The following EFCAB5 variants were observed in gnomAD, a reference collection of about 807,000 sequenced individuals.
The protein encoded by EFCAB5 is EF-hand calcium binding domain 5.
In EFCAB5, 131 loss-of-function variants were observed where a neutral mutation model predicts 167.9. The ratio of observed to expected loss-of-function variants is 0.78; its 90% CI spans 0.68 to 0.90. The LOEUF (loss-of-function observed/expected upper bound fraction) is 0.90, where lower values mean the gene tolerates loss of function less well. Among genes scored for constraint, EFCAB5 ranks in the 40% least tolerant of loss-of-function variants. EFCAB5 has a pLI of 0.00. For missense variants in EFCAB5, 1,663 were observed against 1,745.2 expected, an observed-to-expected ratio of 0.95 and a Z score of 0.84; for synonymous variants, 574 against 602.8, an observed-to-expected ratio of 0.95 and a Z score of 0.70.
chr17:29,930,266 C>T (rs961858964), intron 1 of EFCAB5: 2 of 500,478 alleles, frequency 4.0e-6, no homozygotes, highest in South Asian at 2.7e-5. Flanking sequence ...TGTCAGCTAC[C>T]GCCTCTCCCC....
intron 4 of EFCAB5, among the ~76,000 whole-genome samples, chr17:29,976,469 C>CA (rs2068065674): frequency 6.6e-6 from 1 of 152,174 alleles, no homozygotes; most frequent in Non-Finnish European, 1.5e-5. Context: ...CAACAGATGA[C>CA]AGTGTCAGGC....
At chr17:30,060,246 G>T (rs890872930) in intron 14 of EFCAB5, among the ~76,000 whole-genome samples, 3 of 147,462 alleles carry the variant, frequency 2.0e-5, no homozygotes, top group African/African-American at 7.3e-5. Flanking sequence ...TTAAAAAAAA[G>T]GTTAAAAGGA....
At chr17:30,056,931 CA>C (rs1400374403) in intron 12 of EFCAB5, among the ~76,000 whole-genome samples, 2 of 150,844 alleles carry the variant, frequency 1.3e-5, no homozygotes, top group Non-Finnish European at 3.0e-5. Flanking sequence ...TGTGAGTAAT[CA>C]TTTTTTTTAA....
At chr17:30,061,563 G>C (rs2070426506) in intron 14 of EFCAB5, among the ~76,000 whole-genome samples, 1 of 152,110 alleles carries the variant, frequency 6.6e-6, no homozygotes, top group Admixed American at 6.6e-5. Flanking sequence ...GAAACTTTTA[G>C]TCTGTCTTCC....
intron 14 of EFCAB5, among the ~76,000 whole-genome samples, chr17:30,066,222 T>C (rs575673439): frequency 1.1e-3 from 164 of 152,218 alleles, no homozygotes; most frequent in Admixed American, 1.6e-3. Context: ...ACAAATCTTA[T>C]CAAATTTAAA....
chr17:29,994,617 T>A (rs1016483094), intron 5 of EFCAB5, among the ~76,000 whole-genome samples: 4 of 152,198 alleles, frequency 2.6e-5, no homozygotes, highest in Non-Finnish European at 5.9e-5. Flanking sequence ...TATCTCAACA[T>A]AAGCTCTATC....
chr17:29,950,592 T>G (rs1046621516), intron 3 of EFCAB5: 1 of 152,186 alleles, frequency 6.6e-6, no homozygotes, highest in Non-Finnish European at 1.5e-5. Flanking sequence ...CAGAGTGGTC[T>G]TGAGCTCCTG....
rs771263367 is a variant in EFCAB5, at chr17:30,053,694, A to C, written c.1740A>C (p.Lys580Asn). ...RESTTEQGQH[K>N]GSIEGQGPRR... ...CAACTACAGAACAAGGACAGCACAA[A>C]GGGTCAATAGAAGGACAAGGACCAC... Residue 580 changes from lysine to asparagine, a missense_variant, in exon 10 of 23, where the codon AAA (lysine) becomes AAC (asparagine). Lys to Asn is a moderately conservative substitution (Grantham distance 94). Transcript: ENST00000394835. The C allele has an allele frequency of 6.2e-7, 1 of 1,614,030 alleles. No homozygotes were observed. Among genetic ancestry groups the C allele is most frequent in the Non-Finnish European group, 8.5e-7 (1 of 1,179,892 alleles).
chr17:30,069,380 G>A, intron 14 of EFCAB5: 1 of 1,557,294 alleles, frequency 6.4e-7, no homozygotes, highest in Non-Finnish European at 8.9e-7. Flanking sequence ...CTTGTTTGAT[G>A]AAGTGAGGCA....
chr17:30,041,850 T>C (rs1208021119), intron 8 of EFCAB5, among the ~76,000 whole-genome samples: 1 of 152,148 alleles, frequency 6.6e-6, no homozygotes, highest in Non-Finnish European at 1.5e-5. Flanking sequence ...GCAAAACAAC[T>C]ATGGCTTGCT....
intron 8 of EFCAB5, among the ~76,000 whole-genome samples, chr17:30,043,977 C>A (rs901855537): frequency 1.3e-5 from 2 of 151,888 alleles, no homozygotes; most frequent in African/African-American, 4.8e-5. Context: ...TTGAAAGATA[C>A]TAGTAAAAGA....
intron 4 of EFCAB5, among the ~76,000 whole-genome samples, chr17:29,977,131 T>C (rs2068078288): frequency 6.6e-6 from 1 of 152,196 alleles, no homozygotes; most frequent in Non-Finnish European, 1.5e-5. Flanking sequence ...AAAGTATCTT[T>C]TCCCTCTGAC....
intron 7 of EFCAB5, among the ~76,000 whole-genome samples, chr17:30,011,216 T>C (rs2068890745): frequency 6.6e-6 from 1 of 152,216 alleles, no homozygotes; most frequent in Admixed American, 6.5e-5. Context: ...AGCCTTGTAG[T>C]ATAGTTTGAA....
At position 30,002,660 on chromosome 17, in the gene EFCAB5, A is replaced by G. The variant is rs188053799; in HGVS notation, c.1044+2684A>G. On this transcript the variant is annotated intron_variant, in intron 7 of 22. Coordinates refer to ENST00000394835, the MANE Select transcript of EFCAB5 (RefSeq NM_198529.4). Reference sequence around the variant, plus strand: ...TTTACCTGTGTTTTTTGCTTTTTTCATTGTTCTTCCTTCCCGATGTTTCAA... The same window carrying G: ...TTTACCTGTGTTTTTTGCTTTTTTCGTTGTTCTTCCTTCCCGATGTTTCAA... Among the ~76,000 whole-genome samples the G allele has an allele frequency of 1.3e-4, 20 of 152,146 alleles. No individual in the cohort carries two copies. In the East Asian group the frequency reaches 3.9e-3, roughly 29 times the overall value.
intron 7 of EFCAB5, among the ~76,000 whole-genome samples, chr17:30,010,228 C>G (rs1158579278): frequency 2.0e-5 from 3 of 152,134 alleles, no homozygotes; most frequent in Admixed American, 1.3e-4. Context: ...TGGGTTGGTT[C>G]CAAGTCCTTG....
intron 22 of EFCAB5, among the ~76,000 whole-genome samples, chr17:30,105,315 C>T (rs1008082229): frequency 6.6e-6 from 1 of 151,860 alleles, no homozygotes; most frequent in African/African-American, 2.4e-5. Context: ...GATGAAACCC[C>T]GTCTCTACCA....
At chr17:29,956,118 G>A (rs932952284) in intron 3 of EFCAB5, among the ~76,000 whole-genome samples, 1 of 152,176 alleles carries the variant, frequency 6.6e-6, no homozygotes, top group African/African-American at 2.4e-5. Context: ...GCCATATGCA[G>A]AATATTGAAA....
intron 22 of EFCAB5, among the ~76,000 whole-genome samples, chr17:30,100,101 C>T (rs947573249): frequency 6.6e-6 from 1 of 152,168 alleles, no homozygotes; most frequent in Non-Finnish European, 1.5e-5. Flanking sequence ...TAGGCTTTCT[C>T]CACTGCTGAT....
intron 22 of EFCAB5, among the ~76,000 whole-genome samples, chr17:30,104,911 A>G (rs546360174): frequency 1.3e-5 from 2 of 152,282 alleles, no homozygotes; most frequent in Admixed American, 6.5e-5. Flanking sequence ...TCGTTGAATC[A>G]CCATGGAGAT....
Sources: gnomAD v4.1 joint callset for allele counts (sites outside exome capture counted in the v4.1 genomes callset) on GRCh38, gnomAD v4.1.1 for gene constraint, MANE v1.5 for transcripts, NCBI Gene and HGNC (gene_info 2026-07-23, HGNC 2026-07-21) for gene names.